Variants in PMPCB observed in about 807,000 individuals in gnomAD.
PMPCB encodes the protein peptidase, mitochondrial processing subunit beta.
Under a neutral mutation model 61.5 loss-of-function variants are expected in PMPCB, and 46 were observed. That is an observed-to-expected ratio of 0.75 (90% CI 0.59 to 0.96). The LOEUF (loss-of-function observed/expected upper bound fraction) is 0.96. PMPCB is among the 40% of genes least tolerant of loss of function. The pLI, the probability that PMPCB is intolerant of heterozygous loss-of-function variation, is 0.00. For missense variants in PMPCB, 590 were observed against 602.4 expected (o/e 0.98, Z 0.22); for synonymous variants, 191 against 201.6 (o/e 0.95, Z 0.44).
At chr7:103,307,729 A>G (rs751785098) in intron 7 of PMPCB, 21 bp downstream of exon 7, 1 of 1,329,534 alleles carries the variant, frequency 7.5e-7, no homozygotes, top group South Asian at 1.2e-5. Context: ...CCTTCCAGCT[A>G]GTATTTAGCC....
chr7:103,318,982 CG>C (rs1818229360), downstream of PMPCB, among the ~76,000 whole-genome samples: 1 of 152,076 alleles, frequency 6.6e-6, no homozygotes, highest in Non-Finnish European at 1.5e-5. Context: ...GAGGCCAATG[CG>C]GACGGATCAC....
downstream of PMPCB, chr7:103,316,919 T>C: frequency 6.2e-7 from 1 of 1,613,992 alleles, no homozygotes; most frequent in Non-Finnish European, 8.5e-7. Context: ...CATTTCCACC[T>C]CCACCAGTTG....
chr7:103,338,847 T>G, the PMPCB span, among the ~76,000 whole-genome samples: 1 of 151,668 alleles, frequency 6.6e-6, no homozygotes, highest in African/African-American at 2.4e-5. Flanking sequence ...GAGGCGGAGG[T>G]TGCAGTGGGC....
chr7:103,315,697 G>T, downstream of PMPCB: 1 of 1,050,046 alleles, frequency 9.5e-7, no homozygotes, highest in Non-Finnish European at 1.5e-6. Context: ...TAGACCCTAA[G>T]TCTTGTACGT....
downstream of PMPCB, among the ~76,000 whole-genome samples, chr7:103,333,950 CA>C (rs372154864): frequency 1.7e-4 from 25 of 148,752 alleles, no homozygotes; most frequent in Admixed American, 4.0e-4. Flanking sequence ...CTGTTGTGAA[CA>C]TTTTTTTTTT....
At chr7:103,344,636 C>A in the PMPCB span, 1 of 1,607,454 alleles carries the variant, frequency 6.2e-7, no homozygotes, top group South Asian at 1.1e-5. Context: ...GGCGCCGGGT[C>A]TAGCCCGGTG....
chr7:103,339,236 T>G, the PMPCB span, among the ~76,000 whole-genome samples: 1 of 152,240 alleles, frequency 6.6e-6, no homozygotes, highest in Non-Finnish European at 1.5e-5. Context: ...ACAGTATCCT[T>G]GACACCTAGA....
intron 7 of PMPCB, 134 bp downstream of exon 7, chr7:103,307,842 T>C (rs1334505744): frequency 8.4e-6 from 5 of 596,942 alleles, no homozygotes; most frequent in South Asian, 2.1e-5. Context: ...GATGTACTCA[T>C]TTGCTTACAT....
intron 12 of PMPCB, chr7:103,322,805 G>GAA: frequency 6.3e-7 from 1 of 1,588,166 alleles, no homozygotes; most frequent in Non-Finnish European, 8.6e-7. Context: ...CTATAAAATA[G>GAA]AAAATATTGG....
chr7:103,332,044 A>ATG (rs1818996431), downstream of PMPCB, among the ~76,000 whole-genome samples: 1 of 147,860 alleles, frequency 6.8e-6, no homozygotes, highest in Non-Finnish European at 1.5e-5. Flanking sequence ...TTGCTCTGTC[A>ATG]CCCAGGTTGG....
Position 103,312,655 on chromosome 7 carries a change from G to C in PMPCB, c.*384G>C. 6.2e-7 allele frequency: 1 copy of C among 1,610,404 alleles called. No homozygotes were observed. The highest frequency in any genetic ancestry group is 8.5e-7 in the Non-Finnish European group (1 of 1,179,080). The stretch of plus-strand genomic sequence containing the variant: ...ATCTCGACAAGTTCCTAGGAAGGGA[G>C]AAAGGTGTGATTTAAGAAGTTGCGA... On this transcript the variant is annotated 3_prime_UTR_variant, in exon 13 of 13. Transcript: ENST00000249269.
downstream of PMPCB, chr7:103,314,706 A>C: frequency 1.0e-6 from 1 of 952,520 alleles, no homozygotes; most frequent in South Asian, 4.8e-5. Flanking sequence ...GTCACTGCTG[A>C]TTTTTGCAAT....
At position 103,309,096 on chromosome 7, in the gene PMPCB, G is replaced by A. The variant is rs758238478; in HGVS notation, c.993+1G>A. ...GGATCGCTCTTTTGGGGGAGGAATGGTAAGTGATTTTAAAAGAAATTTTCC... is the reference window on the plus strand; with the variant it reads ...GGATCGCTCTTTTGGGGGAGGAATGATAAGTGATTTTAAAAGAAATTTTCC... On this transcript the variant is annotated splice_donor_variant, in intron 8 of 12. Coordinates refer to ENST00000249269, the MANE Select transcript of PMPCB (RefSeq NM_004279.3). LOFTEE classifies it high-confidence loss of function. The A allele has an allele frequency of 3.8e-6, 6 of 1,584,990 alleles. No homozygotes were observed. The Admixed American group carries it at 5.6e-5, about 15-fold the overall frequency.
At chr7:103,304,327 T>G in intron 5 of PMPCB, 84 bp from the exon 6 acceptor site, 1 of 814,150 alleles carries the variant, frequency 1.2e-6, no homozygotes, top group Non-Finnish European at 2.1e-6. Context: ...GATACAGTTA[T>G]GGTCCAATTT....
intron 12 of PMPCB, among the ~76,000 whole-genome samples, chr7:103,325,492 G>A (rs781258364): frequency 6.6e-6 from 1 of 150,746 alleles, no homozygotes; most frequent in Non-Finnish European, 1.5e-5. Flanking sequence ...AAGGGAGAAA[G>A]GATGGCGGAA....
In PMPCB at chr7:103,299,830, A is replaced by G. The variant is rs1355746632; in HGVS notation, c.327+301A>G. 2.0e-5 allele frequency among the ~76,000 whole-genome samples: 3 copies of G among 152,146 alleles called. No individual in the cohort carries two copies. In the East Asian group the frequency reaches 5.8e-4, roughly 29 times the overall value. On this transcript the variant is annotated intron_variant, in intron 3 of 12. Coordinates refer to ENST00000249269, the MANE Select transcript of PMPCB (RefSeq NM_004279.3). Reference sequence around the variant, plus strand: ...CTGTTGCCTAGGCTGGAGTGCGGTGACGCAATCTGCTTACTGCAACCTCCG... The same window carrying G: ...CTGTTGCCTAGGCTGGAGTGCGGTGGCGCAATCTGCTTACTGCAACCTCCG...
intron 11 of PMPCB, 42 bp downstream of exon 11, chr7:103,311,938 T>C (rs780060739): frequency 1.3e-6 from 2 of 1,516,362 alleles, no homozygotes; most frequent in Non-Finnish European, 1.8e-6. Context: ...TGTAAAAAGA[T>C]CCTTGTTACA....
the PMPCB span, among the ~76,000 whole-genome samples, chr7:103,346,081 A>G: frequency 6.6e-6 from 1 of 151,878 alleles, no homozygotes; most frequent in South Asian, 2.1e-4. Flanking sequence ...TTTTTTCCTC[A>G]CACCTCCTCC....
At chr7:103,311,009 C>G (rs1478171800) in intron 9 of PMPCB, 1 of 152,156 alleles carries the variant, frequency 6.6e-6, no homozygotes, top group Non-Finnish European at 1.5e-5. Context: ...CTTTCAGAAG[C>G]AGGTTAATTC....
Sources: allele counts gnomAD v4.1 joint callset (sites outside exome capture counted in the v4.1 genomes callset), GRCh38; gene constraint gnomAD v4.1.1; transcripts MANE v1.5; gene names NCBI Gene and HGNC (gene_info 2026-07-23, HGNC 2026-07-21).